ZNF341: variants seen among roughly 807,000 people sequenced by gnomAD.
The protein encoded by ZNF341 is zinc finger protein 341.
In ZNF341, 52 loss-of-function variants were observed where a neutral mutation model predicts 87.7. The ratio of observed to expected loss-of-function variants is 0.59; its 90% CI spans 0.47 to 0.75. ZNF341 has a LOEUF of 0.75. ZNF341 is among the 30% of genes least tolerant of loss of function. ZNF341 has a pLI of 0.00. For missense variants in ZNF341, 977 were observed against 1,145.9 expected (o/e 0.85, Z 2.13); for synonymous variants, 459 against 472.7 (o/e 0.97, Z 0.38).
intron 7 of ZNF341, among the ~76,000 whole-genome samples, chr20:33,760,271 C>T (rs745379777): frequency 7.9e-5 from 12 of 151,992 alleles, no homozygotes; most frequent in African/African-American, 2.4e-4. Context: ...GGCATGGTGG[C>T]GGGTGCTTGT....
At chr20:33,763,579 G>A (rs185259823) in intron 8 of ZNF341, among the ~76,000 whole-genome samples, 4 of 152,226 alleles carry the variant, frequency 2.6e-5, no homozygotes, top group African/African-American at 7.2e-5. Flanking sequence ...GATTACGGAC[G>A]TGAGCCACCA....
chr20:33,761,949 C>T lies in ZNF341; in HGVS notation c.1116C>T (p.His372=), dbSNP rs1306078003. 4.3e-6 allele frequency: 7 copies of T among 1,609,394 alleles called. No homozygotes were observed. The highest frequency in any genetic ancestry group is 5.1e-6 in the Non-Finnish European group (6 of 1,176,726). Residue 372 remains histidine, a synonymous_variant, in exon 8 of 15, where the codon CAC becomes CAT. Transcript: ENST00000375200. ...ATGTTAAGAAACACATGCAGACCCA[C>T]AAGGTGTGGCCTCCAGGACACAGTG... The part of the protein sequence containing the change: ...KSNVKKHMQT[H]KVWPPGHSGG...
intron 6 of ZNF341, among the ~76,000 whole-genome samples, chr20:33,758,332 G>GC (rs953122744): frequency 2.6e-5 from 4 of 152,152 alleles, no homozygotes; most frequent in Non-Finnish European, 5.9e-5. Context: ...AGGTGCAAAG[G>GC]CCCGGAGGCA....
At chr20:33,769,056 A>C (rs1193731337) in intron 9 of ZNF341, among the ~76,000 whole-genome samples, 3 of 152,204 alleles carry the variant, frequency 2.0e-5, no homozygotes, top group African/African-American at 7.2e-5. Flanking sequence ...AATGTCCTGC[A>C]AGACAACAAA....
chr20:33,765,427 G>A (rs1169913375), intron 8 of ZNF341, among the ~76,000 whole-genome samples: 1 of 151,212 alleles, frequency 6.6e-6, no homozygotes, highest in African/African-American at 2.4e-5. Context: ...CACCCAGGCT[G>A]GAGTGCAATG....
chr20:33,786,349 A>G (rs2019863408), intron 12 of ZNF341, among the ~76,000 whole-genome samples: 1 of 152,154 alleles, frequency 6.6e-6, no homozygotes, highest in Non-Finnish European at 1.5e-5. Flanking sequence ...GTTTGTACAC[A>G]CAATGCTGTG....
intron 5 of ZNF341, 51 bp from the exon 6 acceptor site, chr20:33,757,097 C>G: frequency 7.4e-7 from 1 of 1,354,432 alleles, no homozygotes; most frequent in Non-Finnish European, 9.7e-7. Flanking sequence ...TGGCTGGGAG[C>G]TCTTCCCCTT....
At chr20:33,779,687 G>C (rs2019702355) in intron 10 of ZNF341, among the ~76,000 whole-genome samples, 1 of 152,082 alleles carries the variant, frequency 6.6e-6, no homozygotes, top group Non-Finnish European at 1.5e-5. Flanking sequence ...CTGACCTCAG[G>C]TGATCTGCCC....
At chr20:33,738,649 A>G (rs773952975) in intron 1 of ZNF341, among the ~76,000 whole-genome samples, 7 of 152,234 alleles carry the variant, frequency 4.6e-5, no homozygotes, top group Non-Finnish European at 1.0e-4. Context: ...CTTAAGTCCC[A>G]CTAGAGTGGG....
intron 9 of ZNF341, 37 bp from the exon 10 acceptor site, chr20:33,770,047 C>G (rs760881709): frequency 6.7e-7 from 1 of 1,498,830 alleles, no homozygotes; most frequent in Non-Finnish European, 9.3e-7. Flanking sequence ...AGGAAGCTCT[C>G]CTGCCTCCTG....
chr20:33,745,061 C>G, intron 2 of ZNF341, 42 bp from the exon 3 acceptor site: 1 of 1,563,896 alleles, frequency 6.4e-7, no homozygotes, highest in South Asian at 1.1e-5. Context: ...ACTTTACCTT[C>G]ATCTGTGGCC....
intron 8 of ZNF341, among the ~76,000 whole-genome samples, chr20:33,765,296 A>G (rs1166732653): frequency 1.3e-5 from 2 of 151,958 alleles, no homozygotes; most frequent in Non-Finnish European, 2.9e-5. Context: ...GACCACTTTT[A>G]TCTGACCTTC....
Position 33,791,693 on chromosome 20 carries a change from C to T in ZNF341, c.*176C>T. The T allele has an allele frequency of 4.2e-6, 3 of 710,334 alleles. No homozygotes were observed. The highest frequency in any genetic ancestry group is 6.6e-6 in the Non-Finnish European group (3 of 454,510). 44.0% of individuals were successfully genotyped at this position (710,334 alleles called of 1,614,324 possible). ...ATGGTCGCCCTCCTGTGCCCCTCTC[C>T]TGCCGGAAAGCCCTGCAACATTCTA... is the stretch of plus-strand genomic sequence containing the variant. On this transcript the variant is annotated 3_prime_UTR_variant, in exon 15 of 15. Transcript: ENST00000375200.
intron 6 of ZNF341, among the ~76,000 whole-genome samples, chr20:33,758,009 T>G (rs2019215980): frequency 1.3e-5 from 2 of 152,118 alleles, no homozygotes; most frequent in South Asian, 4.1e-4. Context: ...TCAGTGGCTT[T>G]CCAGTCAACT....
chr20:33,791,520 G>C lies in ZNF341; in HGVS notation c.*3G>C. 6.5e-7 allele frequency: 1 copy of C among 1,540,326 alleles called. No homozygotes were observed. On this transcript the variant is annotated 3_prime_UTR_variant, in exon 15 of 15. Coordinates refer to ENST00000375200, the MANE Select transcript of ZNF341 (RefSeq NM_001282933.2). ...TCTACATCCAGGCCTCCGAGTGACGGACCTGAGGTGTCTGTTTCCTGGGCA... is the reference window on the plus strand; with the variant it reads ...TCTACATCCAGGCCTCCGAGTGACGCACCTGAGGTGTCTGTTTCCTGGGCA...
chr20:33,763,591 G>C (rs1479237342), intron 8 of ZNF341, among the ~76,000 whole-genome samples: 1 of 152,118 alleles, frequency 6.6e-6, no homozygotes, highest in Non-Finnish European at 1.5e-5. Context: ...GAGCCACCAT[G>C]CCTGGCTAAC....
intron 10 of ZNF341, among the ~76,000 whole-genome samples, chr20:33,777,509 CT>C (rs2019653312): frequency 6.6e-6 from 1 of 151,470 alleles, no homozygotes; most frequent in African/African-American, 2.4e-5. Flanking sequence ...TGGCGGGCAC[CT>C]GTATTCCCAG....
At chr20:33,748,771 C>T (rs2245015) in intron 3 of ZNF341, 152 bp from the exon 4 acceptor site, 6 of 691,382 alleles carry the variant, frequency 8.7e-6, no homozygotes, top group Middle Eastern at 4.1e-4. Flanking sequence ...ATGGAATCCA[C>T]GTCTGTGGGA....
rs1250310538 is a variant in ZNF341 at position 33,746,324 on chromosome 20, C to T, written c.339+1025C>T. 5.2e-4 allele frequency among the ~76,000 whole-genome samples: 78 copies of T among 149,348 alleles called. 3 individuals are homozygous for T. The highest frequency in any genetic ancestry group is 7.4e-5 in the Non-Finnish European group (5 of 67,608). On this transcript the variant is annotated intron_variant, in intron 3 of 14. Transcript: ENST00000375200. ...TCTCGGCTCACTGCAACCTCCGCCT[C>T]CTGGGTTCAAGTGATTCTCCTGCCT...
Sources: gnomAD v4.1 joint callset for allele counts (sites outside exome capture counted in the v4.1 genomes callset) on GRCh38, gnomAD v4.1.1 for gene constraint, MANE v1.5 for transcripts, NCBI Gene and HGNC (gene_info 2026-07-23, HGNC 2026-07-21) for gene names.